PSMC2: variants seen among roughly 807,000 people sequenced by gnomAD.
The protein encoded by PSMC2 is 26S proteasome regulatory subunit 7.
In PSMC2, 7 loss-of-function variants were observed where a neutral mutation model predicts 53.3. That is an observed-to-expected ratio of 0.13 (90% CI 0.07 to 0.25). PSMC2 has a LOEUF of 0.25. Ranked by LOEUF, PSMC2 falls within the 10% of genes least tolerant of loss-of-function variation. The probability of loss-of-function intolerance (pLI) is 1.00; values close to 1 mark genes in which losing one functional copy is unlikely to be tolerated. For synonymous variants in PSMC2, 169 were observed against 183.9 expected, an observed-to-expected ratio of 0.92 and a Z score of 0.66; for missense variants, 241 against 544.0, an observed-to-expected ratio of 0.44 and a Z score of 5.54.
intron 1 of PSMC2, among the ~76,000 whole-genome samples, chr7:103,350,177 A>G (rs536857638): frequency 1.3e-5 from 2 of 152,202 alleles, no homozygotes; most frequent in Admixed American, 6.5e-5. Flanking sequence ...TCTTAAAAAC[A>G]TAGTTGAGAA....
At chr7:103,354,365 ATTTTTTTT>A (rs752847513) in intron 2 of PSMC2, among the ~76,000 whole-genome samples, 15 of 134,538 alleles carry the variant, frequency 1.1e-4, no homozygotes, top group Admixed American at 3.8e-4. Flanking sequence ...TTCACACACG[ATTTTTTTT>A]TTTTTTTTTT....
Position 103,354,858 on chromosome 7 carries a change from C to T in PSMC2, c.109-10C>T. On this transcript the variant is annotated splice_polypyrimidine_tract_variant and intron_variant, in intron 2 of 11. Coordinates refer to ENST00000292644, the MANE Select transcript of PSMC2 (RefSeq NM_002803.4). Reference sequence around the variant, plus strand: ...CTGATATTCTAACTAAACTGACCTTCATCACCTAGGGTCAGAGCACTTACT... The same window carrying T: ...CTGATATTCTAACTAAACTGACCTTTATCACCTAGGGTCAGAGCACTTACT... 6.3e-7 allele frequency: 1 copy of T among 1,586,044 alleles called. No homozygotes were observed. The highest frequency in any genetic ancestry group is 8.6e-7 in the Non-Finnish European group (1 of 1,158,456).
At chr7:103,347,893 T>G in intron 1 of PSMC2, 112 bp downstream of exon 1, 1 of 1,193,832 alleles carries the variant, frequency 8.4e-7, no homozygotes, top group Non-Finnish European at 1.2e-6. Context: ...GGCCCTTTTG[T>G]GCCCCTAGTA....
chr7:103,347,588 C>G (rs1215662901), upstream of PSMC2: 2 of 1,103,860 alleles, frequency 1.8e-6, no homozygotes, highest in Non-Finnish European at 2.8e-6. Flanking sequence ...CTCTGAAGCA[C>G]TGCATAAAGG....
Position 103,362,711 on chromosome 7 carries a change from C to A in PSMC2, c.448C>A (p.His150Asn). The change falls in exon 6 of 12, where the codon CAC becomes AAC. Residue 150 changes from histidine to asparagine, a missense_variant. Transcript: ENST00000292644. ...CGTGGATAGAAATAAATATCAAATT[C>A]ACATTCCATTGCCTCCTAAGATTGA... Reference protein sequence around the residue: ...VGVDRNKYQIHIPLPPKIDPT... With the variant: ...VGVDRNKYQINIPLPPKIDPT... 6.2e-7 allele frequency: 1 copy of A among 1,604,826 alleles called. No homozygotes were observed. Among genetic ancestry groups the A allele is most frequent in the South Asian group, 1.1e-5 (1 of 90,868 alleles).
At chr7:103,354,779 A>G in intron 2 of PSMC2, 89 bp from the exon 3 acceptor site, 1 of 820,778 alleles carries the variant, frequency 1.2e-6, no homozygotes, top group Non-Finnish European at 2.0e-6. Flanking sequence ...ATAGCTATTG[A>G]AATTGTAACT....
At chr7:103,360,508 C>T (rs549349035) in intron 4 of PSMC2, among the ~76,000 whole-genome samples, 15 of 152,304 alleles carry the variant, frequency 9.8e-5, no homozygotes, top group Admixed American at 2.6e-4. Context: ...ATCCTCCAGC[C>T]TCAGCCTCCT....
In PSMC2 at chr7:103,367,748, A is replaced by C. The variant is rs1488929985; in HGVS notation, c.1083A>C (p.Ser361=). 1.2e-6 allele frequency: 2 copies of C among 1,613,958 alleles called. No individual in the cohort carries two copies. Residue 361 remains serine, a synonymous_variant, in exon 11 of 12, where the codon TCA becomes TCC. Coordinates refer to ENST00000292644, the MANE Select transcript of PSMC2 (RefSeq NM_002803.4). This position sits in a 1 kb window ranked among gnomAD's most constrained non-coding sequence, Gnocchi z 6.1. ...ACATATTTAAGATTCACGCTCGTTCAATGAGTGTTGAAAGAGATATCAGAT... is the reference window on the plus strand; with the variant it reads ...ACATATTTAAGATTCACGCTCGTTCCATGAGTGTTGAAAGAGATATCAGAT... ...RTHIFKIHAR[S]MSVERDIRFE...
intron 1 of PSMC2, among the ~76,000 whole-genome samples, chr7:103,353,537 C>T (rs549563116): frequency 1.3e-5 from 2 of 152,304 alleles, no homozygotes; most frequent in Non-Finnish European, 2.9e-5. Context: ...AAACTCCTGA[C>T]CTCAGGTGAT....
Position 103,348,358 on chromosome 7 carries a change from C to G in PSMC2, c.70+577C>G, listed in dbSNP as rs114619402. ...TACATATACAAGCAAGTGTGCTTAT[C>G]TATTCCTTTTTTTTAACACAAATGT... is the stretch of plus-strand genomic sequence containing the variant. On this transcript the variant is annotated intron_variant, in intron 1 of 11. Coordinates refer to ENST00000292644, the MANE Select transcript of PSMC2 (RefSeq NM_002803.4). Among the ~76,000 whole-genome samples the G allele has an allele frequency of 2.2e-3, 336 of 152,258 alleles. 1 individual carries two copies. The highest frequency in any genetic ancestry group is 7.7e-3 in the African/African-American group (320 of 41,546).
intron 4 of PSMC2, among the ~76,000 whole-genome samples, chr7:103,359,833 A>C (rs1261952796): frequency 6.6e-6 from 1 of 152,060 alleles, no homozygotes; most frequent in African/African-American, 2.4e-5. Flanking sequence ...TAATCCCAGC[A>C]CTTTGGGAGG....
At chr7:103,364,075 T>C in intron 7 of PSMC2, 68 bp from the exon 8 acceptor site, 1 of 1,457,726 alleles carries the variant, frequency 6.9e-7, no homozygotes, top group Non-Finnish European at 9.3e-7. Flanking sequence ...AGCACTTTGT[T>C]GATTTAGAAG....
intron 3 of PSMC2, 43 bp from the exon 4 acceptor site, chr7:103,355,651 A>C (rs770490547): frequency 2.8e-6 from 4 of 1,407,094 alleles, no homozygotes; most frequent in Non-Finnish European, 3.0e-6. Context: ...TTATAGGGTG[A>C]TGCATTACAT....
chr7:103,357,394 C>T (rs1173885202), intron 4 of PSMC2, among the ~76,000 whole-genome samples: 1 of 151,406 alleles, frequency 6.6e-6, no homozygotes, highest in Non-Finnish European at 1.5e-5. Context: ...AATTTCTCTT[C>T]CCTAATGACA....
intron 4 of PSMC2, among the ~76,000 whole-genome samples, chr7:103,361,022 G>A (rs1820358589): frequency 6.6e-6 from 1 of 151,952 alleles, no homozygotes; most frequent in South Asian, 2.1e-4. Context: ...GCTGAGGCAG[G>A]AGAACTGCTT....
At chr7:103,357,691 C>T (rs535780250) in intron 4 of PSMC2, among the ~76,000 whole-genome samples, 16 of 152,286 alleles carry the variant, frequency 1.1e-4, no homozygotes, top group African/African-American at 3.8e-4. Flanking sequence ...ACACTATTCA[C>T]AAAGAGCCAA....
At chr7:103,350,392 G>T (rs1819700986) in intron 1 of PSMC2, among the ~76,000 whole-genome samples, 1 of 152,142 alleles carries the variant, frequency 6.6e-6, no homozygotes, top group South Asian at 2.1e-4. Flanking sequence ...TATAGAATTA[G>T]ATAATATCAA....
intron 1 of PSMC2, among the ~76,000 whole-genome samples, chr7:103,352,390 C>T (rs1385301043): frequency 6.7e-6 from 1 of 149,370 alleles, no homozygotes; most frequent in Non-Finnish European, 1.5e-5. Context: ...ATATATACAT[C>T]TCACATAGAT....
chr7:103,347,906 T>A (rs1198509070), intron 1 of PSMC2, 125 bp downstream of exon 1: 3 of 1,029,326 alleles, frequency 2.9e-6, no homozygotes, highest in Non-Finnish European at 4.5e-6. Flanking sequence ...CCCTAGTAAT[T>A]TAGTCTGGAC....
Sources: allele counts gnomAD v4.1 joint callset (sites outside exome capture counted in the v4.1 genomes callset), GRCh38; gene constraint gnomAD v4.1.1; non-coding constraint Gnocchi (gnomAD v3.1); transcripts MANE v1.5; gene names NCBI Gene and HGNC (gene_info 2026-07-23, HGNC 2026-07-21).